DNM3: variants seen among roughly 807,000 people sequenced by gnomAD.
DNM3 encodes the protein dynamin-3.
A neutral mutation model predicts 101.6 loss-of-function variants in DNM3; 47 were observed. The ratio of observed to expected loss-of-function variants is 0.46; its 90% CI spans 0.37 to 0.59. The LOEUF (loss-of-function observed/expected upper bound fraction) is 0.59. Among genes scored for constraint, DNM3 ranks in the 20% least tolerant of loss-of-function variants. The pLI, the probability that DNM3 is intolerant of heterozygous loss-of-function variation, is 0.00. For missense variants in DNM3, 849 were observed against 1,085.7 expected (o/e 0.78, Z 3.06); for synonymous variants, 385 against 387.9 (o/e 0.99, Z 0.09).
intron 15 of DNM3, among the ~76,000 whole-genome samples, chr1:172,269,986 A>C (rs1347490639): frequency 6.6e-6 from 1 of 152,132 alleles, no homozygotes. Flanking sequence ...AAAATAAAGG[A>C]AACTAAGGGC....
At chr1:172,065,725 A>T (rs2051603570) in intron 10 of DNM3, among the ~76,000 whole-genome samples, 2 of 152,152 alleles carry the variant, frequency 1.3e-5, no homozygotes, top group Non-Finnish European at 2.9e-5. Context: ...GCTGGTGATG[A>T]TTTTTGTGGT....
intron 13 of DNM3, among the ~76,000 whole-genome samples, chr1:172,115,397 T>A (rs144732732): frequency 3.6e-4 from 55 of 152,304 alleles, no homozygotes; most frequent in Middle Eastern, 6.8e-3. Flanking sequence ...CTCTTTCTCT[T>A]GTGAGTCTCT....
In DNM3 at chr1:172,411,907, T is replaced by C. The variant is rs557004628; in HGVS notation, c.*4066T>C. ...CGTTCACCAGATCACTCATTGTACA[T>C]TCTAAAAAGCTCAAATGAGTCTTCT... On this transcript the variant is annotated 3_prime_UTR_variant, in exon 21 of 21. Coordinates refer to ENST00000627582, the MANE Select transcript of DNM3 (RefSeq NM_015569.5). The C allele has an allele frequency of 3.8e-4, 373 of 985,806 alleles. No homozygotes were observed. Among genetic ancestry groups the C allele is most frequent in the South Asian group, 4.2e-4 (9 of 21,276 alleles). The allele number at this position is 985,806 out of a possible 1,614,324, so 61.1% of individuals were successfully genotyped here. A position where few individuals can be genotyped will look rare whatever the true frequency, so the allele number is the denominator to read the frequency against.
intron 4 of DNM3, among the ~76,000 whole-genome samples, chr1:172,018,462 G>T (rs953146453): frequency 1.3e-5 from 2 of 151,942 alleles, no homozygotes; most frequent in African/African-American, 4.8e-5. Context: ...TACACTCCCC[G>T]ACTTATGATT....
intron 1 of DNM3, among the ~76,000 whole-genome samples, chr1:171,879,150 T>G (rs2036041340): frequency 6.6e-6 from 1 of 152,216 alleles, no homozygotes; most frequent in Non-Finnish European, 1.5e-5. Flanking sequence ...TCAGTAAAAC[T>G]AACATATCTT....
intron 14 of DNM3, among the ~76,000 whole-genome samples, chr1:172,210,696 A>C (rs2060484874): frequency 6.6e-6 from 1 of 152,196 alleles, no homozygotes; most frequent in Non-Finnish European, 1.5e-5. Flanking sequence ...TGTAAGATGA[A>C]TTCAATTTAT....
chr1:171,989,044 A>T lies in DNM3; in HGVS notation c.485A>T (p.Gln162Leu). 6.2e-7 allele frequency: 1 copy of T among 1,612,526 alleles called. No homozygotes were observed. The change falls in exon 4 of 21, where the codon CAG (glutamine) becomes CTG (leucine). Residue 162 changes from glutamine (Q) to leucine (L), a missense_variant. Coordinates refer to ENST00000627582, the MANE Select transcript of DNM3 (RefSeq NM_015569.5). ...IEYQIREMIM[Q>L]FITRENCLIL... ...TATCAGATCAGAGAAATGATTATGC[A>T]GTTCATCACGAGGGAGAACTGTCTG...
intron 17 of DNM3, chr1:172,378,406 T>C (rs969901331): frequency 2.0e-5 from 3 of 152,174 alleles, no homozygotes; most frequent in Non-Finnish European, 4.4e-5. Flanking sequence ...TTGTAAGTTT[T>C]TCACAATGGA....
chr1:171,895,399 A>AT (rs1447023701), intron 1 of DNM3, among the ~76,000 whole-genome samples: 1 of 152,178 alleles, frequency 6.6e-6, no homozygotes, highest in Non-Finnish European at 1.5e-5. Context: ...GATGATGAGC[A>AT]TTTATTCATG....
At chr1:172,070,535 CATATCT>C (rs2052079311) in intron 11 of DNM3, among the ~76,000 whole-genome samples, 1 of 152,088 alleles carries the variant, frequency 6.6e-6, no homozygotes, top group Non-Finnish European at 1.5e-5. Flanking sequence ...TATTTGTAAT[CATATCT>C]ATGTCAGTTG....
At chr1:172,094,633 G>A (rs1040772048) in intron 13 of DNM3, among the ~76,000 whole-genome samples, 1 of 152,098 alleles carries the variant, frequency 6.6e-6, no homozygotes. Context: ...TACATAATGA[G>A]GTTTGCAGCC....
chr1:172,098,381 C>T (rs2054396165), intron 13 of DNM3, among the ~76,000 whole-genome samples: 1 of 152,230 alleles, frequency 6.6e-6, no homozygotes, highest in Non-Finnish European at 1.5e-5. Context: ...GCCTGGCTCA[C>T]TGGCAGTCAG....
chr1:171,877,143 G>A (rs939399003), intron 1 of DNM3, among the ~76,000 whole-genome samples: 1 of 152,114 alleles, frequency 6.6e-6, no homozygotes, highest in South Asian at 2.1e-4. Flanking sequence ...TTTAGGATAC[G>A]TCCTGAAACC....
At chr1:172,126,159 C>A (rs1483177467) in intron 13 of DNM3, among the ~76,000 whole-genome samples, 1 of 152,092 alleles carries the variant, frequency 6.6e-6, no homozygotes, top group Non-Finnish European at 1.5e-5. Context: ...TGATTGTTAT[C>A]AGAAAAACAA....
At chr1:172,044,942 C>A (rs2049661591) in intron 9 of DNM3, among the ~76,000 whole-genome samples, 1 of 151,826 alleles carries the variant, frequency 6.6e-6, no homozygotes, top group Non-Finnish European at 1.5e-5. Flanking sequence ...CATGTGGGAG[C>A]GTGCATATGA....
chr1:172,323,948 A>C (rs1387254968), intron 17 of DNM3, among the ~76,000 whole-genome samples: 1 of 152,158 alleles, frequency 6.6e-6, no homozygotes, highest in African/African-American at 2.4e-5. Context: ...CAAAATGTGT[A>C]TGATAGCTTT....
At chr1:172,037,849 C>T (rs2049083516) in intron 6 of DNM3, among the ~76,000 whole-genome samples, 1 of 152,174 alleles carries the variant, frequency 6.6e-6, no homozygotes, top group Admixed American at 6.6e-5. Flanking sequence ...TGACAGGTGC[C>T]TCTAGCACCT....
intron 1 of DNM3, among the ~76,000 whole-genome samples, chr1:171,842,032 C>T (rs1289364126): frequency 6.6e-6 from 1 of 152,180 alleles, no homozygotes; most frequent in African/African-American, 2.4e-5. Context: ...CACCCCCCGC[C>T]TGGTGGCCCT....
chr1:172,267,735 T>C (rs971969528), intron 15 of DNM3, among the ~76,000 whole-genome samples: 30 of 151,740 alleles, frequency 2.0e-4, no homozygotes, highest in African/African-American at 6.3e-4. Context: ...TTTTTAGAGA[T>C]GGAGTCTCAC....
Sources: allele counts gnomAD v4.1 joint callset (sites outside exome capture counted in the v4.1 genomes callset), GRCh38; gene constraint gnomAD v4.1.1; transcripts MANE v1.5; gene names NCBI Gene and HGNC (gene_info 2026-07-23, HGNC 2026-07-21).